SCUBE2: variants seen among roughly 807,000 people sequenced by gnomAD.
The protein encoded by SCUBE2 is signal peptide, CUB domain and EGF like domain containing 2, also known as signal peptide, CUB and EGF-like domain-containing protein 2.
SCUBE2 carries 114 observed loss-of-function variants against 125.9 expected under a neutral mutation model. That is an observed-to-expected ratio of 0.91 (90% CI 0.78 to 1.06). The LOEUF (loss-of-function observed/expected upper bound fraction) is 1.06, where lower values mean the gene tolerates loss of function less well. SCUBE2 is among the 50% of genes least tolerant of loss of function. SCUBE2 has a pLI of 0.00. For missense variants in SCUBE2, 1,255 were observed against 1,301.8 expected (o/e 0.96, Z 0.55); for synonymous variants, 459 against 492.9 (o/e 0.93, Z 0.91).
intron 17 of SCUBE2, chr11:9,031,127 G>T: frequency 1.8e-6 from 1 of 552,158 alleles, no homozygotes; most frequent in Non-Finnish European, 3.2e-6. Flanking sequence ...TACACACAGG[G>T]CTACACAGCA....
intron 9 of SCUBE2, among the ~76,000 whole-genome samples, chr11:9,058,595 CAAAAAAAAAAAAAAA>C (rs61409328): frequency 7.2e-4 from 32 of 44,314 alleles, no homozygotes; most frequent in African/African-American, 1.8e-3. Context: ...GACTCTGTCT[CAAAAAAAAAAAAAAA>C]AAAAAAAAAA....
chr11:9,058,484 TACTC>T (rs1478377775), intron 9 of SCUBE2, among the ~76,000 whole-genome samples: 1 of 150,616 alleles, frequency 6.6e-6, no homozygotes, highest in African/African-American at 2.4e-5. Context: ...TAGTCCCAGA[TACTC>T]AGGAGGTTGA....
intron 16 of SCUBE2, among the ~76,000 whole-genome samples, chr11:9,042,320 A>C (rs1391614790): frequency 6.6e-6 from 1 of 152,074 alleles, no homozygotes; most frequent in Non-Finnish European, 1.5e-5. Flanking sequence ...CATGGCATGA[A>C]TGTCCCTTAG....
intron 7 of SCUBE2, chr11:9,064,581 T>C (rs769810477): frequency 6.6e-6 from 1 of 152,138 alleles, no homozygotes; most frequent in Non-Finnish European, 1.5e-5. Flanking sequence ...AAGAATTGAC[T>C]ATTGTTGCCT....
At chr11:9,054,745 T>TTC (rs1858899621) in intron 10 of SCUBE2, among the ~76,000 whole-genome samples, 3 of 110,456 alleles carry the variant, frequency 2.7e-5, no homozygotes, top group Non-Finnish European at 5.5e-5. Flanking sequence ...TTTTTTTTTT[T>TTC]TTTTTTTCAG....
chr11:9,057,137 T>G (rs1404689379), intron 9 of SCUBE2: 1 of 152,264 alleles, frequency 6.6e-6, no homozygotes, highest in Admixed American at 6.5e-5. Flanking sequence ...GTCGAGAAAG[T>G]GCACTTGTTC....
intron 3 of SCUBE2, among the ~76,000 whole-genome samples, chr11:9,078,390 G>A (rs1861367694): frequency 6.6e-6 from 1 of 152,200 alleles, no homozygotes; most frequent in African/African-American, 2.4e-5. Flanking sequence ...AGACACTGAA[G>A]TGGGATAAAG....
intron 20 of SCUBE2, 28 bp from the exon 21 acceptor site, chr11:9,025,882 G>C (rs779830326): frequency 1.5e-5 from 24 of 1,608,094 alleles, no homozygotes; most frequent in Non-Finnish European, 2.0e-5. Context: ...AGAAGGGTGG[G>C]GTTCAAGACT....
chr11:9,071,922 G>A (rs1860832784), intron 4 of SCUBE2, among the ~76,000 whole-genome samples: 2 of 152,040 alleles, frequency 1.3e-5, no homozygotes, highest in Admixed American at 6.6e-5. Flanking sequence ...GAACAAAGGC[G>A]GGCCGGGGGT....
Position 9,074,526 on chromosome 11 carries a change from A to T in SCUBE2, c.472T>A (p.Phe158Ile). 1.2e-6 allele frequency: 2 copies of T among 1,611,706 alleles called. No homozygotes were observed. Among genetic ancestry groups the T allele is most frequent in the Non-Finnish European group, 1.7e-6 (2 of 1,179,480 alleles). ...GSYECCCKEG[F>I]FLSDNQHTCI... ...GTGTGCTGATTGTCACTCAGGAAAA[A>T]CCCCTCCTTGCAGCAGCACTCATAG... The change falls in exon 4 of 23, where the codon TTT (phenylalanine) becomes ATT (isoleucine). Residue 158 changes from phenylalanine to isoleucine, a missense_variant. Phe to Ile is a conservative substitution (Grantham distance 21, BLOSUM62 0). Around this residue, in one of 3 missense-constraint regions of SCUBE2, gnomAD observed 362 missense variants for 323.0 expected, o/e 1.12. Transcript: ENST00000649792.
chr11:9,062,147 G>C (rs1039321029), intron 7 of SCUBE2, among the ~76,000 whole-genome samples: 8 of 152,202 alleles, frequency 5.3e-5, no homozygotes, highest in Non-Finnish European at 1.2e-4. Context: ...CCCTGAAAAA[G>C]AGATCTCTAA....
At chr11:9,025,173 T>G (rs1275929540) in intron 21 of SCUBE2, among the ~76,000 whole-genome samples, 1 of 152,212 alleles carries the variant, frequency 6.6e-6, no homozygotes, top group African/African-American at 2.4e-5. Context: ...TCATCTGACT[T>G]GCCCAAGATC....
At chr11:9,077,840 T>C (rs1297346272) in intron 3 of SCUBE2, among the ~76,000 whole-genome samples, 1 of 152,152 alleles carries the variant, frequency 6.6e-6, no homozygotes, top group Admixed American at 6.5e-5. Flanking sequence ...ATAATATCTG[T>C]GTTATCGGCA....
rs967884234 is a variant in SCUBE2 at position 9,069,431 on chromosome 11, G to A, written c.582C>T (p.Gly194=). 1.9e-6 allele frequency: 3 copies of A among 1,614,256 alleles called. No homozygotes were observed. The highest frequency in any genetic ancestry group is 2.5e-6 in the Non-Finnish European group (3 of 1,180,050). The change falls in exon 5 of 23, where the codon GGC becomes GGT. Residue 194 remains glycine (G), a synonymous_variant. Coordinates refer to ENST00000649792, the MANE Select transcript of SCUBE2 (RefSeq NM_001367977.2). ...CAGGCCTGCACTCACAGGCGACGCT[G>A]CCCCTTGGGGCCTCCTTGCAGATGT... ...CSHICKEAPR[G]SVACECRPGF... is the part of the protein sequence containing the mutation.
chr11:9,082,165 C>T (rs1370412492), intron 2 of SCUBE2, among the ~76,000 whole-genome samples: 1 of 152,080 alleles, frequency 6.6e-6, no homozygotes, highest in Non-Finnish European at 1.5e-5. Context: ...GATATTTTGC[C>T]CACTTTTTAA....
At chr11:9,039,623 C>T (rs1210310161) in intron 16 of SCUBE2, among the ~76,000 whole-genome samples, 3 of 152,062 alleles carry the variant, frequency 2.0e-5, no homozygotes, top group South Asian at 2.1e-4. Context: ...GGTGGGAGCA[C>T]GTTTCTACAC....
intron 7 of SCUBE2, among the ~76,000 whole-genome samples, chr11:9,064,028 T>C (rs928551923): frequency 6.6e-6 from 1 of 152,226 alleles, no homozygotes; most frequent in African/African-American, 2.4e-5. Context: ...ATAATATTGA[T>C]TTAAATTGTG....
At chr11:9,063,057 T>A (rs1859840028) in intron 7 of SCUBE2, among the ~76,000 whole-genome samples, 1 of 151,338 alleles carries the variant, frequency 6.6e-6, no homozygotes, top group Non-Finnish European at 1.5e-5. Flanking sequence ...CTGGCCAACA[T>A]AGCAAAATCC....
rs745734252 is a variant in SCUBE2, at chr11:9,055,867, C to G, written c.1133G>C (p.Cys378Ser). Residue 378 changes from cysteine (C) to serine (S), a missense_variant, in exon 10 of 23, where the codon TGC (cysteine) becomes TCC (serine). Transcript: ENST00000649792. ...CSLDRTCDHS[C>S]INHPGTFACA... is the part of the protein sequence containing the mutation. ...AGCAAATGTGCCAGGGTGGTTGATG[C>G]AGCTGTGGTCACAGGTCCTATCCAA... 6.2e-7 allele frequency: 1 copy of G among 1,614,176 alleles called. No individual in the cohort carries two copies. The highest frequency in any genetic ancestry group is 1.7e-5 in the Admixed American group (1 of 60,020).
Sources: allele counts gnomAD v4.1 joint callset (sites outside exome capture counted in the v4.1 genomes callset), GRCh38; gene constraint gnomAD v4.1.1; regional missense constraint gnomAD v4.1.1; transcripts MANE v1.5; gene names NCBI Gene and HGNC (gene_info 2026-07-23, HGNC 2026-07-21).